Variants in LRRC4C observed in about 807,000 individuals in gnomAD.
LRRC4C encodes the protein leucine rich repeat containing 4C.
In LRRC4C, 5 loss-of-function variants were observed where a neutral mutation model predicts 33.6. That is an observed-to-expected ratio of 0.15 (90% CI 0.08 to 0.31). The LOEUF is 0.31. Ranked by LOEUF, LRRC4C falls within the 10% of genes least tolerant of loss-of-function variation. LRRC4C has a pLI of 1.00. For missense variants in LRRC4C, 560 were observed against 796.7 expected (o/e 0.70, Z 3.58); for synonymous variants, 329 against 302.0 (o/e 1.09, Z -0.93).
chr11:40,655,372 C>T (rs1477381285), intron 2 of LRRC4C, among the ~76,000 whole-genome samples: 1 of 152,080 alleles, frequency 6.6e-6, no homozygotes, highest in African/African-American at 2.4e-5. Context: ...AAGGAGGTAA[C>T]CATGTGTTTA....
At chr11:40,570,677 A>T (rs1259639294) in intron 3 of LRRC4C, among the ~76,000 whole-genome samples, 1 of 152,072 alleles carries the variant, frequency 6.6e-6, no homozygotes, top group African/African-American at 2.4e-5. Context: ...TATACTATGT[A>T]TCTATTTCTC....
intron 1 of LRRC4C, among the ~76,000 whole-genome samples, chr11:41,438,038 CAAATAAATAAAT>C (rs569593314): frequency 4.6e-5 from 3 of 65,640 alleles, no homozygotes; most frequent in East Asian, 2.6e-4. Context: ...AACTCCATCT[CAAATAAATAAAT>C]AAATAAATAA....
chr11:41,197,328 T>A (rs1946220642), intron 1 of LRRC4C, among the ~76,000 whole-genome samples: 1 of 152,058 alleles, frequency 6.6e-6, no homozygotes, highest in Non-Finnish European at 1.5e-5. Context: ...TGGTGGATTC[T>A]GATGCCTATC....
intron 2 of LRRC4C, among the ~76,000 whole-genome samples, chr11:40,861,518 GA>G (rs1321851774): frequency 6.6e-6 from 1 of 152,134 alleles, no homozygotes; most frequent in Non-Finnish European, 1.5e-5. Flanking sequence ...ATAGAACCAA[GA>G]ACAAAGAAGA....
chr11:40,740,596 T>C (rs1174144895), intron 2 of LRRC4C, among the ~76,000 whole-genome samples: 1 of 152,080 alleles, frequency 6.6e-6, no homozygotes, highest in East Asian at 1.9e-4. Flanking sequence ...AATAGTTGTC[T>C]CATTTGTTAT....
chr11:41,396,609 T>A (rs1953826464), intron 1 of LRRC4C, among the ~76,000 whole-genome samples: 1 of 152,008 alleles, frequency 6.6e-6, no homozygotes, highest in East Asian at 1.9e-4. Context: ...GGGTAGTTTT[T>A]TAACTTTTAT....
intron 3 of LRRC4C, among the ~76,000 whole-genome samples, chr11:40,489,051 C>T (rs948791474): frequency 3.3e-5 from 5 of 152,042 alleles, no homozygotes; most frequent in African/African-American, 7.2e-5. Flanking sequence ...TGGAAAAGGT[C>T]CCTTCTCTAT....
At chr11:40,521,724 C>T (rs1164522373) in intron 3 of LRRC4C, among the ~76,000 whole-genome samples, 1 of 151,964 alleles carries the variant, frequency 6.6e-6, no homozygotes, top group East Asian at 1.9e-4. Flanking sequence ...CAGAAATTAG[C>T]TGGGCATTGT....
intron 2 of LRRC4C, among the ~76,000 whole-genome samples, chr11:40,690,864 G>A (rs189959337): frequency 3.3e-5 from 5 of 152,092 alleles, no homozygotes; most frequent in Admixed American, 3.3e-4. Flanking sequence ...AAAGGATGCT[G>A]ATATCTCAAA....
intron 2 of LRRC4C, among the ~76,000 whole-genome samples, chr11:40,672,362 T>C (rs1365442893): frequency 6.6e-6 from 1 of 152,148 alleles, no homozygotes; most frequent in East Asian, 1.9e-4. Flanking sequence ...AATACCATCA[T>C]CTTGGGAGTT....
At chr11:41,078,068 T>A (rs887792175) in intron 1 of LRRC4C, among the ~76,000 whole-genome samples, 2 of 152,138 alleles carry the variant, frequency 1.3e-5, no homozygotes, top group Non-Finnish European at 2.9e-5. Context: ...ACGTTTCAGT[T>A]CCCAATAATT....
intron 2 of LRRC4C, among the ~76,000 whole-genome samples, chr11:40,894,604 A>G (rs186763592): frequency 6.6e-6 from 1 of 152,310 alleles, no homozygotes; most frequent in East Asian, 1.9e-4. Flanking sequence ...CCAGCATTTC[A>G]GTATTTCCTA....
At chr11:40,853,481 A>G (rs1953613286) in intron 2 of LRRC4C, among the ~76,000 whole-genome samples, 1 of 150,258 alleles carries the variant, frequency 6.7e-6, no homozygotes, top group South Asian at 2.1e-4. Flanking sequence ...TAACTATAAA[A>G]TAGCCTAACC....
intron 3 of LRRC4C, among the ~76,000 whole-genome samples, chr11:40,487,750 G>A (rs11821294): frequency 0.017 from 2,513 of 152,130 alleles, 83 homozygotes; most frequent in African/African-American, 0.057. Context: ...TCGTTAAACT[G>A]TACAGATTTT....
rs189846956 is a variant in LRRC4C at position 40,834,813 on chromosome 11, T to C, written c.-407+98822A>G. 1.9e-4 allele frequency among the ~76,000 whole-genome samples: 29 copies of C among 151,972 alleles called. No individual in the cohort carries two copies. In the South Asian group the frequency reaches 4.8e-3, roughly 25 times the overall value. On this transcript the variant is annotated intron_variant, in intron 2 of 6. Coordinates refer to ENST00000528697, the MANE Select transcript of LRRC4C (RefSeq NM_001258419.2). ...GGCCCTCAACATGTCTAAAGCCACA[T>C]CTCGGGTATTGTGAATTTTTGGGTA... is the stretch of plus-strand genomic sequence containing the variant.
chr11:40,819,259 A>G (rs913750385), intron 2 of LRRC4C, among the ~76,000 whole-genome samples: 2 of 152,146 alleles, frequency 1.3e-5, no homozygotes, highest in Non-Finnish European at 2.9e-5. Context: ...CTACAACTAC[A>G]CAGAATTGAT....
At chr11:41,187,134 G>T (rs1437448262) in intron 1 of LRRC4C, among the ~76,000 whole-genome samples, 3 of 152,158 alleles carry the variant, frequency 2.0e-5, no homozygotes, top group Admixed American at 6.5e-5. Flanking sequence ...TTGGGAAGGG[G>T]AGGGCATGGT....
intron 1 of LRRC4C, among the ~76,000 whole-genome samples, chr11:41,119,477 T>C (rs1242372294): frequency 6.6e-6 from 1 of 152,176 alleles, no homozygotes; most frequent in Non-Finnish European, 1.5e-5. Context: ...ATTAGGTAAG[T>C]CAATTTGCCT....
chr11:40,586,990 A>C (rs1222879329), intron 3 of LRRC4C, among the ~76,000 whole-genome samples: 1 of 151,926 alleles, frequency 6.6e-6, no homozygotes, highest in Non-Finnish European at 1.5e-5. Flanking sequence ...ACTTTAAAGT[A>C]GTTTTTTCCA....
Sources: allele counts gnomAD v4.1 joint callset (sites outside exome capture counted in the v4.1 genomes callset), GRCh38; gene constraint gnomAD v4.1.1; transcripts MANE v1.5; gene names NCBI Gene and HGNC (gene_info 2026-07-23, HGNC 2026-07-21).